ASTN2: variants seen among roughly 807,000 people sequenced by gnomAD.
ASTN2 encodes the protein astrotactin 2.
A neutral mutation model predicts 139.8 loss-of-function variants in ASTN2; 54 were observed. The observed-to-expected ratio is 0.39, with a 90% CI of 0.31 to 0.48. The LOEUF (loss-of-function observed/expected upper bound fraction) is 0.48. Among genes scored for constraint, ASTN2 ranks in the 20% least tolerant of loss-of-function variants. The probability of loss-of-function intolerance (pLI) is 0.95; values close to 1 mark genes in which losing one functional copy is unlikely to be tolerated. For synonymous variants in ASTN2, 756 were observed against 719.5 expected (o/e 1.05, Z -0.81); for missense variants, 1,565 against 1,725.1 (o/e 0.91, Z 1.64).
intron 3 of ASTN2, among the ~76,000 whole-genome samples, chr9:117,170,239 A>G (rs565812987): frequency 3.3e-5 from 5 of 152,152 alleles, no homozygotes; most frequent in South Asian, 4.2e-4. Flanking sequence ...TTCAATTTCA[A>G]TTGCATCCAC....
intron 1 of ASTN2, among the ~76,000 whole-genome samples, chr9:117,346,010 C>CAAAAAAAAAAAAAAAAAAAAAAAA (rs35773511): frequency 2.2e-5 from 2 of 92,352 alleles, no homozygotes; most frequent in Non-Finnish European, 4.6e-5. Flanking sequence ...AACTAAGAGG[C>CAAAAAAAAAAAAAAAAAAAAAAAA]AAAAAAAAAA....
intron 19 of ASTN2, among the ~76,000 whole-genome samples, chr9:116,560,648 T>A (rs1054975492): frequency 9.2e-5 from 14 of 152,204 alleles, no homozygotes; most frequent in Admixed American, 3.3e-4. Context: ...AATTGATGTG[T>A]TTGTCTCCTA....
intron 3 of ASTN2, among the ~76,000 whole-genome samples, chr9:117,161,345 T>A (rs1037837769): frequency 6.6e-6 from 1 of 152,024 alleles, no homozygotes; most frequent in Admixed American, 6.6e-5. Context: ...GAGAAAGCGC[T>A]TCCATTGAGG....
intron 1 of ASTN2, among the ~76,000 whole-genome samples, chr9:117,407,782 G>A (rs1831037690): frequency 6.6e-6 from 1 of 152,152 alleles, no homozygotes; most frequent in African/African-American, 2.4e-5. Context: ...CTTTCTGGGG[G>A]CAGAGAGGCT....
chr9:116,719,424 C>A (rs1564230453), intron 16 of ASTN2, among the ~76,000 whole-genome samples: 1 of 152,022 alleles, frequency 6.6e-6, no homozygotes, highest in Non-Finnish European at 1.5e-5. Flanking sequence ...GGTGACTGTC[C>A]TGGGATCAAG....
chr9:117,245,687 T>G (rs1015357563), intron 2 of ASTN2, among the ~76,000 whole-genome samples: 1 of 152,082 alleles, frequency 6.6e-6, no homozygotes, highest in African/African-American at 2.4e-5. Context: ...GTTTTTTAAT[T>G]TCCTCATTTG....
intron 4 of ASTN2, among the ~76,000 whole-genome samples, chr9:117,123,682 A>C (rs1211142075): frequency 6.6e-6 from 1 of 152,092 alleles, no homozygotes; most frequent in African/African-American, 2.4e-5. Flanking sequence ...TCATCTTTGG[A>C]GACTCAGAGA....
chr9:117,409,390 A>G (rs1243487960), intron 1 of ASTN2, among the ~76,000 whole-genome samples: 1 of 152,224 alleles, frequency 6.6e-6, no homozygotes, highest in Non-Finnish European at 1.5e-5. Flanking sequence ...GAAAGCAATA[A>G]GGGTATACAA....
chr9:117,234,862 C>T (rs1223969507), intron 2 of ASTN2, among the ~76,000 whole-genome samples: 3 of 152,178 alleles, frequency 2.0e-5, no homozygotes, highest in Admixed American at 2.0e-4. Flanking sequence ...AGACAGAAAG[C>T]TGTTTAAAGG....
At chr9:116,919,640 ATTTTTTT>A (rs72054196) in intron 10 of ASTN2, among the ~76,000 whole-genome samples, 2 of 113,568 alleles carry the variant, frequency 1.8e-5, no homozygotes, top group Admixed American at 9.6e-5. Flanking sequence ...CAAAAACATC[ATTTTTTT>A]TTTTTTTTTT....
intron 3 of ASTN2, among the ~76,000 whole-genome samples, chr9:117,210,629 AAAG>A (rs1476390505): frequency 6.6e-6 from 1 of 152,214 alleles, no homozygotes; most frequent in Non-Finnish European, 1.5e-5. Flanking sequence ...CTGAATGTAT[AAAG>A]AAGAATTAAT....
intron 19 of ASTN2, among the ~76,000 whole-genome samples, chr9:116,520,568 A>G (rs1462931747): frequency 2.0e-5 from 3 of 152,142 alleles, no homozygotes; most frequent in African/African-American, 7.2e-5. Flanking sequence ...AAAAGTTGAA[A>G]GCATTCCCCC....
chr9:117,222,344 C>T (rs193168047), intron 2 of ASTN2, among the ~76,000 whole-genome samples: 1 of 152,322 alleles, frequency 6.6e-6, no homozygotes, highest in East Asian at 1.9e-4. Flanking sequence ...GCTCTTGCTA[C>T]AGAGAAGGCA....
At chr9:116,834,766 G>A (rs1406097766) in intron 11 of ASTN2, among the ~76,000 whole-genome samples, 1 of 152,156 alleles carries the variant, frequency 6.6e-6, no homozygotes, top group Non-Finnish European at 1.5e-5. Context: ...AACTATTTGC[G>A]ACTGGGCACA....
intron 11 of ASTN2, among the ~76,000 whole-genome samples, chr9:116,851,201 G>A (rs529124705): frequency 6.6e-6 from 1 of 152,222 alleles, no homozygotes; most frequent in South Asian, 2.1e-4. Flanking sequence ...TAAAAGAGCT[G>A]CTCTATGCAT....
chr9:117,065,437 G>C (rs1212782515), intron 5 of ASTN2, among the ~76,000 whole-genome samples: 1 of 152,126 alleles, frequency 6.6e-6, no homozygotes, highest in Non-Finnish European at 1.5e-5. Context: ...AAGCACTCTT[G>C]ACTGAACCCA....
intron 3 of ASTN2, among the ~76,000 whole-genome samples, chr9:117,194,658 C>T (rs1306093681): frequency 6.6e-6 from 1 of 152,210 alleles, no homozygotes; most frequent in Non-Finnish European, 1.5e-5. Context: ...TAATGTCTTT[C>T]CTCTCCTGCT....
intron 19 of ASTN2, among the ~76,000 whole-genome samples, chr9:116,595,201 G>T (rs1854515735): frequency 6.6e-6 from 1 of 152,180 alleles, no homozygotes; most frequent in Non-Finnish European, 1.5e-5. Flanking sequence ...TTGGCATCTA[G>T]GTGTTCAATA....
At chr9:117,404,021 C>T (rs62563484) in intron 1 of ASTN2, among the ~76,000 whole-genome samples, 28,800 of 151,988 alleles carry the variant, frequency 0.19, 3,142 homozygotes, top group East Asian at 0.39. Context: ...ATACCTCCAC[C>T]TCCTTCCAAA....
Sources: allele counts gnomAD v4.1 joint callset (sites outside exome capture counted in the v4.1 genomes callset), GRCh38; gene constraint gnomAD v4.1.1; transcripts MANE v1.5; gene names NCBI Gene and HGNC (gene_info 2026-07-23, HGNC 2026-07-21).